NOSTRIN: variants seen among roughly 807,000 people sequenced by gnomAD.
NOSTRIN encodes the protein nitric oxide synthase trafficking.
NOSTRIN carries 63 observed loss-of-function variants against 59.0 expected under a neutral mutation model. That is an observed-to-expected ratio of 1.07 (90% CI 0.87 to 1.32). The LOEUF is 1.32. Among genes scored for constraint, NOSTRIN ranks in the 40% most tolerant of loss-of-function variants. The probability of loss-of-function intolerance (pLI) is 0.00; values close to 1 mark genes in which losing one functional copy is unlikely to be tolerated. For synonymous variants in NOSTRIN, 200 were observed against 165.4 expected (o/e 1.21, Z -1.61); for missense variants, 512 against 473.1 (o/e 1.08, Z -0.76).
At chr2:168,851,643 C>T (rs575878372) in intron 10 of NOSTRIN, among the ~76,000 whole-genome samples, 75 of 152,266 alleles carry the variant, frequency 4.9e-4, no homozygotes, top group African/African-American at 1.7e-3. Flanking sequence ...TCTTCATATT[C>T]GGTCTTCTAT....
chr2:168,824,662 G>A lies in NOSTRIN; in HGVS notation c.142G>A (p.Gly48Arg), dbSNP rs1686953544. 1.1e-6 allele frequency: 1 copy of A among 872,612 alleles called. No homozygotes were observed. Among genetic ancestry groups the A allele is most frequent in the South Asian group, 1.3e-5 (1 of 76,540 alleles). 54.1% of individuals were successfully genotyped at this position (872,612 alleles called of 1,614,324 possible). ...RANLEISYAK[G>R]LQKLASKLSK... The stretch of plus-strand genomic sequence containing the variant: ...AAACCTGGAAATTAGCTATGCCAAA[G>A]GACTTCAGAAACTGGCAAGCAAGCT... The change falls in exon 3 of 16, where the codon GGA (glycine) becomes AGA (arginine). Residue 48 changes from glycine (G) to arginine (R), a missense_variant. Transcript: ENST00000317647.
At chr2:168,862,385 C>T (rs1018014302) in intron 15 of NOSTRIN, among the ~76,000 whole-genome samples, 9 of 152,154 alleles carry the variant, frequency 5.9e-5, no homozygotes, top group South Asian at 2.1e-4. Flanking sequence ...GCTGTGGCAA[C>T]ACAAGATTTG....
chr2:168,838,788 TC>T (rs1466211540), intron 7 of NOSTRIN, among the ~76,000 whole-genome samples: 4 of 102,492 alleles, frequency 3.9e-5, no homozygotes, highest in Admixed American at 1.0e-4. Flanking sequence ...TAAAAAAAAC[TC>T]TTTTTTTTTT....
At chr2:168,854,592 T>A (rs1253517193) in intron 10 of NOSTRIN, among the ~76,000 whole-genome samples, 1 of 152,148 alleles carries the variant, frequency 6.6e-6, no homozygotes, top group African/African-American at 2.4e-5. Context: ...CTGAACAATT[T>A]TTTCTTCCCC....
upstream of NOSTRIN, among the ~76,000 whole-genome samples, chr2:168,798,853 G>A (rs1685550133): frequency 7.5e-6 from 1 of 133,284 alleles, no homozygotes; most frequent in Non-Finnish European, 1.7e-5. Flanking sequence ...ACAGAAGATA[G>A]TTCTTGAGAG....
intron 7 of NOSTRIN, among the ~76,000 whole-genome samples, chr2:168,838,522 G>A (rs1053152684): frequency 1.3e-5 from 2 of 152,040 alleles, no homozygotes; most frequent in African/African-American, 2.4e-5. Flanking sequence ...TTACAGGCGC[G>A]AGCCACCGTG....
At chr2:168,839,301 A>C (rs563332565) in intron 7 of NOSTRIN, among the ~76,000 whole-genome samples, 1 of 152,274 alleles carries the variant, frequency 6.6e-6, no homozygotes, top group Non-Finnish European at 1.5e-5. Flanking sequence ...ACTTACTATG[A>C]GCCAAATTAT....
In NOSTRIN at chr2:168,842,983, T is replaced by A; in HGVS notation, c.505-9T>A. ...TTAGTAAATGTGTGACATTGATGTT[T>A]TACATTAGCTCCTCAATAAACTGAC... On this transcript the variant is annotated splice_polypyrimidine_tract_variant and intron_variant, in intron 7 of 15. Transcript: ENST00000317647. 1 of 869,782 alleles carries A rather than the reference T, an allele frequency of 1.1e-6. No homozygotes were observed. Among genetic ancestry groups the A allele is most frequent in the South Asian group, 1.3e-5 (1 of 75,994 alleles). The allele number at this position is 869,782 out of a possible 1,614,324, so 53.9% of individuals were successfully genotyped here.
Position 168,861,998 on chromosome 2 carries a change from G to A in NOSTRIN, c.1333G>A (p.Ala445Thr), listed in dbSNP as rs781159291. 6.2e-7 allele frequency: 1 copy of A among 1,614,116 alleles called. No homozygotes were observed. The highest frequency in any genetic ancestry group is 1.7e-5 in the Admixed American group (1 of 60,018). The change falls in exon 15 of 16, where the codon GCC becomes ACC. Residue 445 changes from alanine to threonine, a missense_variant. Coordinates refer to ENST00000317647, the MANE Select transcript of NOSTRIN (RefSeq NM_001039724.4). Reference protein sequence around the residue: ...AAQLSSRLCKALYSFQARQDD... With the variant: ...AAQLSSRLCKTLYSFQARQDD... The stretch of plus-strand genomic sequence containing the variant: ...CCAGCTCAGCAGCAGACTTTGCAAG[G>A]CCTTGTATTCTTTTCAAGCCAGGCA...
chr2:168,788,756 A>T (rs1358411456), intron 2 of NOSTRIN, among the ~76,000 whole-genome samples: 1 of 152,200 alleles, frequency 6.6e-6, no homozygotes, highest in Non-Finnish European at 1.5e-5. Flanking sequence ...AACCGAATGA[A>T]CTTAGTAGTA....
At chr2:168,830,049 C>T (rs487756) in intron 5 of NOSTRIN, among the ~76,000 whole-genome samples, 50,959 of 152,022 alleles carry the variant, frequency 0.34, 9,915 homozygotes, top group Non-Finnish European at 0.44. Context: ...TTCAGAGTTT[C>T]GGGTGATGGA....
intron 8 of NOSTRIN, among the ~76,000 whole-genome samples, chr2:168,843,875 C>T (rs1448927093): frequency 6.6e-6 from 1 of 152,068 alleles, no homozygotes; most frequent in Non-Finnish European, 1.5e-5. Context: ...ATTTGTACTC[C>T]AAGAGTGATG....
chr2:168,851,408 AG>A lies in NOSTRIN; in HGVS notation c.855+5del. 1 of 1,598,156 alleles carries A rather than the reference AG, an allele frequency of 6.3e-7. No individual in the cohort carries two copies. The highest frequency in any genetic ancestry group is 8.5e-7 in the Non-Finnish European group (1 of 1,175,772). On this transcript the variant is annotated splice_donor_5th_base_variant and intron_variant, in intron 10 of 15. Coordinates refer to ENST00000317647, the MANE Select transcript of NOSTRIN (RefSeq NM_001039724.4). ...GTTCCTGTTAACGGATTACTTTGTGAGTATGAAATGGAAAAAAAAAGTTACA... is the reference window on the plus strand; with the variant it reads ...GTTCCTGTTAACGGATTACTTTGTGATATGAAATGGAAAAAAAAAGTTACA...
chr2:168,819,515 C>A (rs1436741469), intron 2 of NOSTRIN, among the ~76,000 whole-genome samples: 2 of 152,216 alleles, frequency 1.3e-5, no homozygotes, highest in Non-Finnish European at 2.9e-5. Context: ...TAACCGTTAA[C>A]ATCTGTTGAG....
At chr2:168,835,028 G>C (rs1414019106) in intron 7 of NOSTRIN, among the ~76,000 whole-genome samples, 1 of 152,006 alleles carries the variant, frequency 6.6e-6, no homozygotes, top group African/African-American at 2.4e-5. Context: ...GCAAGGTTCA[G>C]CCTTAACTAT....
At chr2:168,833,765 C>G (rs1687509899) in intron 6 of NOSTRIN, among the ~76,000 whole-genome samples, 1 of 152,024 alleles carries the variant, frequency 6.6e-6, no homozygotes, top group South Asian at 2.1e-4. Flanking sequence ...CATCAGGGAG[C>G]AGAATTGTGA....
At chr2:168,836,464 G>A (rs1424624529) in intron 7 of NOSTRIN, among the ~76,000 whole-genome samples, 2 of 152,176 alleles carry the variant, frequency 1.3e-5, no homozygotes, top group Non-Finnish European at 2.9e-5. Flanking sequence ...TAATCTGGCA[G>A]CTTTTGTTAA....
rs1689151230 is a variant in NOSTRIN at position 168,856,778 on chromosome 2, G to A, written c.1053G>A (p.Glu351=). 6.2e-7 allele frequency: 1 copy of A among 1,613,724 alleles called. No homozygotes were observed. The highest frequency in any genetic ancestry group is 1.1e-5 in the South Asian group (1 of 91,076). The change falls in exon 12 of 16, where the codon GAG becomes GAA. Residue 351 remains glutamate (E), a splice_region_variant and synonymous_variant. Transcript: ENST00000317647. ...AAGACACAGCAGCGTTAATGGATGAGGTAAATGTTTGCCGAGTGCATTTCC... is the reference window on the plus strand; with the variant it reads ...AAGACACAGCAGCGTTAATGGATGAAGTAAATGTTTGCCGAGTGCATTTCC... ...SQKDTAALMD[E]NNLKLDLLEA... is the part of the protein sequence containing the mutation.
upstream of NOSTRIN, among the ~76,000 whole-genome samples, chr2:168,793,424 A>G (rs774389665): frequency 1.4e-4 from 22 of 152,186 alleles, no homozygotes; most frequent in Non-Finnish European, 2.6e-4. Flanking sequence ...CCTGGGCAAT[A>G]TGGTGAAACC....
Sources: gnomAD v4.1 joint callset for allele counts (sites outside exome capture counted in the v4.1 genomes callset) on GRCh38, gnomAD v4.1.1 for gene constraint, MANE v1.5 for transcripts, NCBI Gene and HGNC (gene_info 2026-07-23, HGNC 2026-07-21) for gene names.